The following SLC4A2 variants were observed in gnomAD, a reference collection of about 807,000 sequenced individuals.
SLC4A2 encodes anion exchange protein 2.
SLC4A2 carries 36 observed loss-of-function variants against 115.0 expected under a neutral mutation model. The ratio of observed to expected loss-of-function variants is 0.31; its 90% CI spans 0.24 to 0.41. The LOEUF (loss-of-function observed/expected upper bound fraction) is 0.41, where lower values mean the gene tolerates loss of function less well. Among genes scored for constraint, SLC4A2 ranks in the 10% least tolerant of loss-of-function variants. The pLI is 1.00. For missense variants in SLC4A2, 1,252 were observed against 1,705.6 expected (o/e 0.73, Z 4.68); for synonymous variants, 708 against 708.3 (o/e 1.00, Z 0.01).
chr7:151,064,187 C>T lies in SLC4A2; in HGVS notation c.52-15C>T. On this transcript the variant is annotated splice_polypyrimidine_tract_variant and intron_variant, in intron 2 of 22. Transcript: ENST00000413384. The stretch of plus-strand genomic sequence containing the variant: ...GTGAGCCCTGTGTGTTTTCTCTCTG[C>T]CTTCTTCCTCACAGCCAGAGCCAGA... 6.2e-7 allele frequency: 1 copy of T among 1,610,324 alleles called. No individual in the cohort carries two copies. The highest frequency in any genetic ancestry group is 1.1e-5 in the South Asian group (1 of 90,946).
rs1439812604 is a variant in SLC4A2 at position 151,076,299 on chromosome 7, G to C, written c.3658G>C (p.Glu1220Gln). 2 of 1,555,016 alleles carry C rather than the reference G, an allele frequency of 1.3e-6. No individual in the cohort carries two copies. The highest frequency in any genetic ancestry group is 8.7e-7 in the Non-Finnish European group (1 of 1,148,048). Residue 1220 changes from glutamate to glutamine, a missense_variant, in exon 23 of 23, where the codon GAG becomes CAG. Around this residue, in one of 14 missense-constraint regions of SLC4A2, gnomAD observed 52 missense variants for 40.6 expected, o/e 1.28. Coordinates refer to ENST00000413384, the MANE Select transcript of SLC4A2 (RefSeq NM_003040.4). ...TCCCCACACACAGCTGGATGCTAAC[G>C]AGGCAGAGCCGGTGTTTGATGAGCG... ...DREMKCLDANEAEPVFDEREG... is the reference protein window; with the variant it reads ...DREMKCLDANQAEPVFDEREG...
At chr7:151,066,290 G>C (rs1046044765) in intron 5 of SLC4A2, among the ~76,000 whole-genome samples, 1 of 152,248 alleles carries the variant, frequency 6.6e-6, no homozygotes, top group African/African-American at 2.4e-5. Context: ...GGGGCCTCGG[G>C]GTGACCGTTT....
rs1797408216 is a variant in SLC4A2 at position 151,070,746 on chromosome 7, C to T, written c.1584C>T (p.Ser528=). ...VVLVGCVEFL[S]RPTMAFVRLR... ...CCCTAGGCTGCGTGGAGTTCCTCTC[C>T]CGCCCCACCATGGCCTTTGTGCGGC... Residue 528 remains serine (S), a synonymous_variant, in exon 12 of 23, where the codon TCC becomes TCT. Transcript: ENST00000413384. 1 of 1,613,726 alleles carries T rather than the reference C, an allele frequency of 6.2e-7. No individual in the cohort carries two copies. The highest frequency in any genetic ancestry group is 8.5e-7 in the Non-Finnish European group (1 of 1,179,996).
At chr7:151,068,831 T>TA (rs74372399) in intron 8 of SLC4A2, among the ~76,000 whole-genome samples, 95 of 146,942 alleles carry the variant, frequency 6.5e-4, no homozygotes, top group African/African-American at 1.6e-3. Context: ...AAAATTAAAT[T>TA]AAAAAAAAAA....
In SLC4A2 at chr7:151,064,595, G is replaced by C; in HGVS notation, c.287G>C (p.Arg96Pro). 1.2e-6 allele frequency: 2 copies of C among 1,613,102 alleles called. No homozygotes were observed. The highest frequency in any genetic ancestry group is 1.7e-6 in the Non-Finnish European group (2 of 1,179,948). ...CACCTGCCTCCGGATGCACGCCGCC[G>C]CAAGACACCCCAGGGCCCAGGACGG... The part of the protein sequence containing the change: ...STHLPPDARR[R>P]KTPQGPGRKP... Residue 96 changes from arginine (R) to proline (P), a missense_variant, in exon 4 of 23, where the codon CGC (arginine) becomes CCC (proline). Around this residue, in one of 14 missense-constraint regions of SLC4A2, gnomAD observed 215 missense variants for 205.2 expected, o/e 1.05. Transcript: ENST00000413384.
chr7:151,063,178 A>G, intron 2 of SLC4A2: 2 of 790,770 alleles, frequency 2.5e-6, no homozygotes, highest in Non-Finnish European at 3.4e-6. Context: ...CCGCGCCCGC[A>G]GGATGACTCA....
In SLC4A2 at chr7:151,070,282, A is replaced by AC. The variant is rs1797386158; in HGVS notation, c.1390dup (p.His464ProfsTer12). On this transcript the variant is annotated frameshift_variant, in exon 10 of 23. Coordinates refer to ENST00000413384, the MANE Select transcript of SLC4A2 (RefSeq NM_003040.4). LOFTEE classifies it high-confidence loss of function. ...CACCATGGTCAGGGGGCTGAGAGTG[A>AC]CCCCCACGTCACCGAGCCTCTCATG... 1 of 1,613,270 alleles carries AC rather than the reference A, an allele frequency of 6.2e-7. No homozygotes were observed.
At chr7:151,063,085 C>T (rs1584982148) in intron 2 of SLC4A2, 3 of 1,521,650 alleles carry the variant, frequency 2.0e-6, no homozygotes, top group East Asian at 2.5e-5. Context: ...ACCAAGGCTG[C>T]CTGGCCAGGC....
intron 7 of SLC4A2, 98 bp downstream of exon 7, chr7:151,067,091 G>A: frequency 7.9e-7 from 1 of 1,265,658 alleles, no homozygotes; most frequent in Non-Finnish European, 1.1e-6. Flanking sequence ...GGTTGCCACT[G>A]TTGTTTTGTT....
At position 151,075,687 on chromosome 7, in the gene SLC4A2, C is replaced by T; in HGVS notation, c.3383C>T (p.Thr1128Ile). 7.4e-6 allele frequency: 12 copies of T among 1,612,112 alleles called. No individual in the cohort carries two copies. The highest frequency in any genetic ancestry group is 1.0e-5 in the Non-Finnish European group (12 of 1,178,966). Residue 1128 changes from threonine to isoleucine, a missense_variant, in exon 21 of 23, where the codon ACC (threonine) becomes ATC (isoleucine). Coordinates refer to ENST00000413384, the MANE Select transcript of SLC4A2 (RefSeq NM_003040.4). ...LFGIFLYMGV[T>I]SLNGIQFYER... ...GGAATTTTCCTGTACATGGGAGTCA[C>T]CTCCCTTAACGGGATCCAGTTCTAT...
At position 151,066,667 on chromosome 7, in the gene SLC4A2, C is replaced by T; in HGVS notation, c.729C>T (p.Ser243=). The part of the protein sequence containing the change: ...YNLQERRRIG[S]MTGAEQALLP... ...TTCAGGAGAGGAGGCGCATCGGGAG[C>T]ATGACTGGGGCTGAGCAGGCACTGC... The change falls in exon 6 of 23, where the codon AGC becomes AGT. Residue 243 remains serine (S), a synonymous_variant. Transcript: ENST00000413384. 6.4e-7 allele frequency: 1 copy of T among 1,551,128 alleles called. No homozygotes were observed. The highest frequency in any genetic ancestry group is 8.7e-7 in the Non-Finnish European group (1 of 1,147,174).
intron 2 of SLC4A2, among the ~76,000 whole-genome samples, chr7:151,062,370 G>A (rs1482886411): frequency 6.6e-6 from 1 of 152,194 alleles, no homozygotes; most frequent in African/African-American, 2.4e-5. Flanking sequence ...CGCAGGTCAA[G>A]TCTGCACGCG....
At chr7:151,062,604 C>T in intron 2 of SLC4A2, 5 of 1,502,608 alleles carry the variant, frequency 3.3e-6, no homozygotes, top group Non-Finnish European at 4.4e-6. Context: ...CAGGCTGGTC[C>T]CCTCCCCCTC....
intron 1 of SLC4A2, 156 bp from the exon 2 acceptor site, chr7:151,061,769 C>T (rs1797054282): frequency 1.8e-6 from 1 of 560,198 alleles, no homozygotes. Flanking sequence ...CTTCTCTTTT[C>T]TTCCTATAAA....
At position 151,067,963 on chromosome 7, in the gene SLC4A2, C is replaced by T. The variant is rs369123454; in HGVS notation, c.1056C>T (p.Asp352=). The T allele has an allele frequency of 1.2e-5, 20 of 1,610,448 alleles. No homozygotes were observed. Among genetic ancestry groups the T allele is most frequent in the Middle Eastern group, 3.5e-4 (2 of 5,756 alleles). Residue 352 remains aspartate, a synonymous_variant, in exon 8 of 23, where the codon GAC becomes GAT. Coordinates refer to ENST00000413384, the MANE Select transcript of SLC4A2 (RefSeq NM_003040.4). ...ETARWIKFEE[D]VEEETERWGK... is the part of the protein sequence containing the mutation. ...CTCGCTGGATCAAATTTGAAGAGGA[C>T]GTGGAGGAGGAGACTGAGCGCTGGG... is the stretch of plus-strand genomic sequence containing the variant.
chr7:151,063,254 G>C (rs1448087859), intron 2 of SLC4A2: 15 of 1,179,546 alleles, frequency 1.3e-5, no homozygotes, highest in Non-Finnish European at 1.6e-5. Flanking sequence ...CGGGCCGGGG[G>C]CCTGGGGGCT....
chr7:151,070,957 T>C (rs766021453), intron 12 of SLC4A2, 46 bp downstream of exon 12: 1 of 1,602,004 alleles, frequency 6.2e-7, no homozygotes, highest in Non-Finnish European at 8.5e-7. Flanking sequence ...GAGCCCATCC[T>C]AGGCCAGTCT....
intron 8 of SLC4A2, 46 bp downstream of exon 8, chr7:151,068,100 A>G: frequency 2.2e-6 from 3 of 1,352,748 alleles, no homozygotes; most frequent in Non-Finnish European, 2.9e-6. Context: ...TCCCCAGGAA[A>G]TTCTCCCACA....
chr7:151,069,796 A>G, intron 8 of SLC4A2, 151 bp from the exon 9 acceptor site: 1 of 839,396 alleles, frequency 1.2e-6, no homozygotes, highest in East Asian at 2.6e-5. Context: ...CTCCTGTGGG[A>G]GCCAGAACTC....
Sources: gnomAD v4.1 joint callset for allele counts (sites outside exome capture counted in the v4.1 genomes callset) on GRCh38, gnomAD v4.1.1 for gene constraint, gnomAD v4.1.1 regional missense constraint, MANE v1.5 for transcripts, NCBI Gene and HGNC (gene_info 2026-07-23, HGNC 2026-07-21) for gene names.